EPM2A: variants seen among roughly 807,000 people sequenced by gnomAD.
EPM2A encodes the protein EPM2A glucan phosphatase, laforin.
Under a neutral mutation model 26.5 loss-of-function variants are expected in EPM2A, and 21 were observed. The observed-to-expected ratio is 0.79, with a 90% confidence interval of 0.56 to 1.14. EPM2A has a LOEUF of 1.14. Among genes scored for constraint, EPM2A ranks in the 50% most tolerant of loss-of-function variants. The probability of loss-of-function intolerance (pLI) is 0.00; values close to 1 mark genes in which losing one functional copy is unlikely to be tolerated. For missense variants in EPM2A, 458 were observed against 440.8 expected, an observed-to-expected ratio of 1.04 and a Z score of -0.35; for synonymous variants, 217 against 177.6, an observed-to-expected ratio of 1.22 and a Z score of -1.76.
Position 145,625,756 on chromosome 6 carries a change from G to A in EPM2A, c.*1660C>T, listed in dbSNP as rs998194453. On this transcript the variant is annotated 3_prime_UTR_variant, in exon 4 of 4. Coordinates refer to ENST00000367519, the MANE Select transcript of EPM2A (RefSeq NM_005670.4). ...CCAAAGCAAATGTCATCTCCCCTAA[G>A]TGCCACAGTTCTATCTCCCCGTCCT... The A allele has an allele frequency of 4.6e-6, 5 of 1,075,730 alleles. No individual in the cohort carries two copies. The highest frequency in any genetic ancestry group is 7.2e-6 in the Non-Finnish European group (5 of 691,478). 66.6% of individuals were successfully genotyped at this position (1,075,730 alleles called of 1,614,324 possible).
intron 4 of EPM2A, among the ~76,000 whole-genome samples, chr6:145,390,744 A>C (rs1425600812): frequency 6.6e-6 from 1 of 152,126 alleles, no homozygotes; most frequent in Non-Finnish European, 1.5e-5. Flanking sequence ...TTTTTACATC[A>C]TATTTTTTCT....
At chr6:145,598,751 A>C (rs993550330) in intron 2 of EPM2A, among the ~76,000 whole-genome samples, 1 of 152,196 alleles carries the variant, frequency 6.6e-6, no homozygotes, top group African/African-American at 2.4e-5. Flanking sequence ...TTTACAATTA[A>C]GTCTTTACTC....
chr6:145,732,162 C>A (rs562459627), intron 1 of EPM2A, among the ~76,000 whole-genome samples: 1 of 147,224 alleles, frequency 6.8e-6, no homozygotes, highest in Non-Finnish European at 1.5e-5. Flanking sequence ...CATAGGAGTT[C>A]GATTGTTTTC....
Position 145,530,984 on chromosome 6 carries a change from C to T in EPM2A, c.341-28409G>A, listed in dbSNP as rs147909868. ...ACTAAATCTTTCCTTGATCCCACAC[C>T]TCTCTATAGCTAATTGCTCATTTCT... On this transcript the variant is annotated intron_variant, in intron 2 of 3. Coordinates refer to the EPM2A transcript ENST00000450221. Among the ~76,000 whole-genome samples, 17 of 152,224 alleles carry T rather than the reference C, an allele frequency of 1.1e-4. No individual in the cohort carries two copies. The East Asian group carries it at 3.1e-3, about 28-fold the overall frequency.
At chr6:145,716,537 C>T (rs1050393362) in intron 1 of EPM2A, among the ~76,000 whole-genome samples, 1 of 152,182 alleles carries the variant, frequency 6.6e-6, no homozygotes, top group Admixed American at 6.5e-5. Flanking sequence ...GAGGTGATCC[C>T]TGCCCACGTC....
At chr6:145,706,299 A>G (rs1217308334) in intron 1 of EPM2A, among the ~76,000 whole-genome samples, 1 of 152,224 alleles carries the variant, frequency 6.6e-6, no homozygotes, top group East Asian at 1.9e-4. Context: ...TACAAAAATT[A>G]TACCTAGAAT....
intron 4 of EPM2A, among the ~76,000 whole-genome samples, chr6:145,402,638 T>C (rs1778505967): frequency 6.6e-6 from 1 of 152,166 alleles, no homozygotes; most frequent in Admixed American, 6.5e-5. Flanking sequence ...AGGAAAATCA[T>C]GTTTTCAGTT....
intron 1 of EPM2A, among the ~76,000 whole-genome samples, chr6:145,700,149 A>T (rs1449734707): frequency 6.6e-6 from 1 of 152,180 alleles, no homozygotes; most frequent in Non-Finnish European, 1.5e-5. Context: ...CTATGACTAA[A>T]GATCAACCTA....
intron 4 of EPM2A, among the ~76,000 whole-genome samples, chr6:145,470,111 T>C (rs544387885): frequency 9.2e-5 from 14 of 152,218 alleles, no homozygotes; most frequent in Admixed American, 2.0e-4. Context: ...TAATATTTGA[T>C]AGAACAACAA....
Position 145,683,730 on chromosome 6 carries a change from C to T in EPM2A, c.476+2392G>A, listed in dbSNP as rs200396758. On this transcript the variant is annotated intron_variant, in intron 2 of 3. Transcript: ENST00000367519. ...GCCTGTCTTTTCATTCAGGGTGGGGCGGAGGAAGTATGCAGGTGGGTTGTC... is the reference window on the plus strand; with the variant it reads ...GCCTGTCTTTTCATTCAGGGTGGGGTGGAGGAAGTATGCAGGTGGGTTGTC... Among the ~76,000 whole-genome samples, 8 of 152,146 alleles carry T rather than the reference C, an allele frequency of 5.3e-5. No homozygotes were observed. In the East Asian group the frequency reaches 5.8e-4, roughly 11 times the overall value.
intron 4 of EPM2A, among the ~76,000 whole-genome samples, chr6:145,457,627 G>T (rs1779278870): frequency 6.6e-6 from 1 of 152,032 alleles, no homozygotes; most frequent in Non-Finnish European, 1.5e-5. Context: ...GAACAGTGAT[G>T]ATCATTCTAA....
intron 4 of EPM2A, among the ~76,000 whole-genome samples, chr6:145,495,215 A>G (rs1779801381): frequency 6.6e-6 from 1 of 152,112 alleles, no homozygotes; most frequent in Non-Finnish European, 1.5e-5. Context: ...TTCTTGCTGA[A>G]TTGAACCCTT....
intron 1 of EPM2A, among the ~76,000 whole-genome samples, chr6:145,699,232 C>G (rs1028748206): frequency 6.6e-6 from 1 of 152,014 alleles, no homozygotes; most frequent in Admixed American, 6.6e-5. Context: ...TTATAGGAAG[C>G]CATTAGTGAG....
intron 4 of EPM2A, among the ~76,000 whole-genome samples, chr6:145,488,483 T>C (rs1770005474): frequency 6.9e-6 from 1 of 144,342 alleles, no homozygotes; most frequent in Non-Finnish European, 1.5e-5. Flanking sequence ...GTGTCATCTC[T>C]AATTTGTGTG....
At chr6:145,730,499 T>A (rs1374921609) in intron 1 of EPM2A, among the ~76,000 whole-genome samples, 1 of 152,204 alleles carries the variant, frequency 6.6e-6, no homozygotes, top group Non-Finnish European at 1.5e-5. Flanking sequence ...AGGCATATAG[T>A]CCTGAGCTTC....
At chr6:145,700,888 C>T (rs1268402498) in intron 1 of EPM2A, among the ~76,000 whole-genome samples, 1 of 152,156 alleles carries the variant, frequency 6.6e-6, no homozygotes, top group African/African-American at 2.4e-5. Flanking sequence ...GCTGCAAAAA[C>T]CATCCCTGAT....
intron 1 of EPM2A, among the ~76,000 whole-genome samples, chr6:145,727,722 C>A (rs763520527): frequency 3.3e-5 from 5 of 152,160 alleles, no homozygotes; most frequent in Admixed American, 1.3e-4. Flanking sequence ...TAAACTGTAG[C>A]ATGCATTGTT....
chr6:145,439,807 A>G (rs570642248), intron 4 of EPM2A, among the ~76,000 whole-genome samples: 1 of 152,284 alleles, frequency 6.6e-6, no homozygotes, highest in African/African-American at 2.4e-5. Context: ...GCTGTGCAGA[A>G]TCTCTTTAAC....
chr6:145,730,035 TC>T (rs1776407118), intron 1 of EPM2A, among the ~76,000 whole-genome samples: 1 of 152,146 alleles, frequency 6.6e-6, no homozygotes, highest in Non-Finnish European at 1.5e-5. Context: ...TCTCTCTTCC[TC>T]CTGCTCCAGC....
Sources: gnomAD v4.1 joint callset for allele counts (sites outside exome capture counted in the v4.1 genomes callset) on GRCh38, gnomAD v4.1.1 for gene constraint, MANE v1.5 for transcripts, NCBI Gene and HGNC (gene_info 2026-07-23, HGNC 2026-07-21) for gene names.